Variants in CLASP2 observed in about 807,000 individuals in gnomAD.
CLASP2 encodes CLIP-associating protein 2.
CLASP2 carries 47 observed loss-of-function variants against 194.4 expected under a neutral mutation model. The ratio of observed to expected loss-of-function variants is 0.24; its 90% CI spans 0.19 to 0.31. The LOEUF (loss-of-function observed/expected upper bound fraction) is 0.31, where lower values mean the gene tolerates loss of function less well. Ranked by LOEUF, CLASP2 falls within the 10% of genes least tolerant of loss-of-function variation. The probability of loss-of-function intolerance (pLI) is 1.00; values close to 1 mark genes in which losing one functional copy is unlikely to be tolerated. For missense variants in CLASP2, 1,445 were observed against 1,823.6 expected (o/e 0.79, Z 3.78); for synonymous variants, 619 against 633.5 (o/e 0.98, Z 0.34).
intron 8 of CLASP2, among the ~76,000 whole-genome samples, chr3:33,633,716 T>TG (rs2079552973): frequency 2.0e-5 from 3 of 149,852 alleles, no homozygotes; most frequent in East Asian, 2.0e-4. Flanking sequence ...AACTTGGGGG[T>TG]GGGGGGATGA....
chr3:33,560,428 A>G (rs2061632520), intron 28 of CLASP2, among the ~76,000 whole-genome samples: 2 of 152,056 alleles, frequency 1.3e-5, no homozygotes, highest in Non-Finnish European at 2.9e-5. Context: ...TTTTTAGTAG[A>G]GATATGGTTT....
intron 13 of CLASP2, 74 bp downstream of exon 13, chr3:33,611,927 G>A: frequency 9.8e-7 from 1 of 1,025,354 alleles, no homozygotes; most frequent in Non-Finnish European, 1.5e-6. Context: ...ACCAATTCTT[G>A]CAGCAGACAA....
chr3:33,687,770 T>G (rs923775076), intron 4 of CLASP2, among the ~76,000 whole-genome samples: 1 of 152,198 alleles, frequency 6.6e-6, no homozygotes, highest in Non-Finnish European at 1.5e-5. Flanking sequence ...GTCCTAGCAT[T>G]TTTTCAGATC....
chr3:33,574,605 T>C (rs756515354), intron 24 of CLASP2: 9 of 615,754 alleles, frequency 1.5e-5, no homozygotes, highest in Non-Finnish European at 2.5e-5. Context: ...AAACATTACG[T>C]TTTTTTCACA....
At chr3:33,541,382 A>T (rs9815692) in intron 32 of CLASP2, among the ~76,000 whole-genome samples, 10,686 of 152,214 alleles carry the variant, frequency 0.07, 772 homozygotes, top group African/African-American at 0.19. Context: ...CTTGTTACAT[A>T]GGCAAACGTG....
intron 34 of CLASP2, 75 bp from the exon 35 acceptor site, chr3:33,517,249 A>C (rs1375786506): frequency 2.7e-5 from 29 of 1,090,894 alleles, no homozygotes; most frequent in Non-Finnish European, 1.3e-6. Context: ...ACAACTTTAT[A>C]TGATGAAACA....
At chr3:33,617,311 T>A (rs146545815) in intron 12 of CLASP2, among the ~76,000 whole-genome samples, 1 of 152,212 alleles carries the variant, frequency 6.6e-6, no homozygotes, top group African/African-American at 2.4e-5. Flanking sequence ...TACATATTTA[T>A]GAAAATTTAT....
rs568821764 is a variant in CLASP2 at position 33,568,553 on chromosome 3, C to CAAAAAAAAAAAAAAAAA, written c.2764-1836_2764-1820dup. On this transcript the variant is annotated intron_variant, in intron 26 of 38. Coordinates refer to ENST00000682230, the MANE Select transcript of CLASP2 (RefSeq NM_001365631.1). Reference sequence around the variant, plus strand: ...TGGGTGACAGAAAGAGATCTTGTCTCAAAAAAAAAAAAAAAAAAAAAATTA... The same window carrying CAAAAAAAAAAAAAAAAA: ...TGGGTGACAGAAAGAGATCTTGTCTCAAAAAAAAAAAAAAAAAAAAAAAAAAAAAAAAAAAAAAATTA... Among the ~76,000 whole-genome samples, 160 of 56,796 alleles carry CAAAAAAAAAAAAAAAAA rather than the reference C, an allele frequency of 2.8e-3. 7 individuals carry two copies. The highest frequency in any genetic ancestry group is 3.7e-3 in the Non-Finnish European group (119 of 32,194). The allele number at this position is 56,796 out of a possible 152,430, so 37.3% of individuals were successfully genotyped here. A position where few individuals can be genotyped will look rare whatever the true frequency, so the allele number is the denominator to read the frequency against.
chr3:33,618,850 A>G (rs1460643720), intron 12 of CLASP2, among the ~76,000 whole-genome samples: 1 of 152,210 alleles, frequency 6.6e-6, no homozygotes, highest in East Asian at 1.9e-4. Flanking sequence ...CTGTTCTTTC[A>G]GACTTCCTCA....
At chr3:33,700,168 C>A (rs1255408607) in intron 1 of CLASP2, among the ~76,000 whole-genome samples, 2 of 152,224 alleles carry the variant, frequency 1.3e-5, no homozygotes, top group East Asian at 3.8e-4. Flanking sequence ...AACAGTGGCT[C>A]ATGCCTGTAA....
At position 33,635,964 on chromosome 3, in the gene CLASP2, C is replaced by T. The variant is rs145132511; in HGVS notation, c.863-3593G>A. Among the ~76,000 whole-genome samples, 257 of 152,220 alleles carry T rather than the reference C, an allele frequency of 1.7e-3. 1 individual carries two copies. The highest frequency in any genetic ancestry group is 5.7e-3 in the African/African-American group (236 of 41,544). Reference sequence around the variant, plus strand: ...CATCCAAGACAAGCAATGTTAACTACAGAGCCCTTACTGAAAAAAATCAGA... The same window carrying T: ...CATCCAAGACAAGCAATGTTAACTATAGAGCCCTTACTGAAAAAAATCAGA... On this transcript the variant is annotated intron_variant, in intron 8 of 38. Transcript: ENST00000682230.
At chr3:33,608,185 T>C (rs1403358570) in intron 14 of CLASP2, among the ~76,000 whole-genome samples, 1 of 152,168 alleles carries the variant, frequency 6.6e-6, no homozygotes, top group African/African-American at 2.4e-5. Flanking sequence ...CCAACAAATA[T>C]CTCTTCTTAA....
At chr3:33,522,941 T>C (rs2053557652) in intron 34 of CLASP2, among the ~76,000 whole-genome samples, 1 of 151,972 alleles carries the variant, frequency 6.6e-6, no homozygotes, top group Non-Finnish European at 1.5e-5. Context: ...CCAGGTGTGG[T>C]GGTGGGCGCT....
At chr3:33,506,770 T>C (rs972596163) in intron 37 of CLASP2, among the ~76,000 whole-genome samples, 19 of 152,186 alleles carry the variant, frequency 1.2e-4, no homozygotes, top group African/African-American at 4.6e-4. Flanking sequence ...AAAACTGTGA[T>C]AATCAATTGC....
At chr3:33,661,511 T>C (rs2154332295) in intron 7 of CLASP2, among the ~76,000 whole-genome samples, 1 of 152,268 alleles carries the variant, frequency 6.6e-6, no homozygotes, top group Middle Eastern at 3.4e-3. Context: ...GAAGTAGAAA[T>C]GTTTGATCAG....
At chr3:33,537,605 A>G (rs1265896410) in intron 33 of CLASP2, among the ~76,000 whole-genome samples, 4 of 152,230 alleles carry the variant, frequency 2.6e-5, no homozygotes, top group Admixed American at 6.5e-5. Flanking sequence ...TATGTCAATA[A>G]TATTAAATAT....
chr3:33,672,702 T>G (rs1158591730), intron 6 of CLASP2, among the ~76,000 whole-genome samples: 1 of 152,118 alleles, frequency 6.6e-6, no homozygotes, highest in Non-Finnish European at 1.5e-5. Flanking sequence ...GAAAAAAATT[T>G]AGATGAATGT....
At chr3:33,611,864 A>C in intron 13 of CLASP2, 137 bp downstream of exon 13, 1 of 638,738 alleles carries the variant, frequency 1.6e-6, no homozygotes, top group South Asian at 2.2e-5. Context: ...ATATGATTAA[A>C]AAAACAAAAC....
intron 7 of CLASP2, chr3:33,645,169 T>C (rs907326951): frequency 1.9e-5 from 14 of 749,216 alleles, no homozygotes; most frequent in African/African-American, 5.1e-5. Context: ...ACTCTAAAGG[T>C]AGTAAAAGTA....
Sources: gnomAD v4.1 joint callset for allele counts (sites outside exome capture counted in the v4.1 genomes callset) on GRCh38, gnomAD v4.1.1 for gene constraint, MANE v1.5 for transcripts, NCBI Gene and HGNC (gene_info 2026-07-23, HGNC 2026-07-21) for gene names.